PROCR: variants seen among roughly 807,000 people sequenced by gnomAD.
The protein encoded by PROCR is protein C receptor.
A neutral mutation model predicts 24.2 loss-of-function variants in PROCR; 22 were observed. That is an observed-to-expected ratio of 0.91 (90% confidence interval 0.65 to 1.30). The LOEUF (loss-of-function observed/expected upper bound fraction) is 1.30, where lower values mean the gene tolerates loss of function less well. Among genes scored for constraint, PROCR ranks in the 50% most tolerant of loss-of-function variants. The pLI is 0.00. For missense variants in PROCR, 288 were observed against 307.7 expected (o/e 0.94, Z 0.48); for synonymous variants, 137 against 139.2 (o/e 0.98, Z 0.11).
In PROCR at chr20:35,174,697, C is replaced by T. The variant is rs772868926; in HGVS notation, c.71-5C>T. 12 of 1,613,744 alleles carry T rather than the reference C, an allele frequency of 7.4e-6. No individual in the cohort carries two copies. In the African/African-American group the frequency reaches 9.4e-5, roughly 13 times the overall value. ...GGCCCAGGCTGAAGCTGACTCTGCC[C>T]GCAGGCCTCCAAAGACTTCATATGC... On this transcript the variant is annotated splice_region_variant and splice_polypyrimidine_tract_variant and intron_variant, in intron 1 of 3. Transcript: ENST00000216968.
intron 1 of PROCR, among the ~76,000 whole-genome samples, chr20:35,173,590 T>A (rs754649299): frequency 2.0e-5 from 3 of 151,944 alleles, no homozygotes; most frequent in Non-Finnish European, 2.9e-5. Flanking sequence ...CCACCACGCC[T>A]GGCTAATATT....
At chr20:35,196,247 C>T (rs935342500) in intron 1 of PROCR, among the ~76,000 whole-genome samples, 2 of 148,918 alleles carry the variant, frequency 1.3e-5, no homozygotes, top group African/African-American at 4.9e-5. Flanking sequence ...ATATCAAAAG[C>T]TCTAATATTG....
Position 35,172,078 on chromosome 20 carries a change from CT to C in PROCR, c.-73del. On this transcript the variant is annotated 5_prime_UTR_variant, in exon 1 of 4. Coordinates refer to ENST00000216968, the MANE Select transcript of PROCR (RefSeq NM_006404.5). ...CCCCTCCCAGACGGTCCTCACTTCT[CT>C]TTTCCCTAGACTGCAGCCAGCGGAG... is the stretch of plus-strand genomic sequence containing the variant. The C allele has an allele frequency of 6.9e-7, 1 of 1,438,910 alleles. No homozygotes were observed. Among genetic ancestry groups the C allele is most frequent in the Non-Finnish European group, 9.8e-7 (1 of 1,021,520 alleles). The allele number at this position is 1,438,910 out of a possible 1,614,324, so 89.1% of individuals were successfully genotyped here. A position where few individuals can be genotyped will look rare whatever the true frequency, so the allele number is the denominator to read the frequency against.
downstream of PROCR, among the ~76,000 whole-genome samples, chr20:35,178,538 C>T (rs113342347): frequency 0.041 from 686 of 16,890 alleles, 79 homozygotes; most frequent in Non-Finnish European, 0.048. Flanking sequence ...TTTTTTGAGA[C>T]GAAGTCTCGC....
chr20:35,212,585 C>T (rs1226722374), intron 1 of PROCR, among the ~76,000 whole-genome samples: 1 of 152,198 alleles, frequency 6.6e-6, no homozygotes, highest in Non-Finnish European at 1.5e-5. Context: ...AACAGTAATA[C>T]ACAGCCACAC....
Position 35,176,707 on chromosome 20 carries a change from C to T in PROCR, c.611C>T (p.Thr204Ile), listed in dbSNP as rs762831201. Reference protein sequence around the residue: ...ISAENTKGSQTSRSYTSLVLG... With the variant: ...ISAENTKGSQISRSYTSLVLG... The stretch of plus-strand genomic sequence containing the variant: ...TTTGCATGTTCTGCAGGGAGCCAAA[C>T]AAGCCGCTCCTACACTTCGCTGGTC... The change falls in exon 4 of 4, where the codon ACA becomes ATA. Residue 204 changes from threonine (T) to isoleucine (I), a missense_variant. Thr to Ile is a moderately conservative substitution (Grantham distance 89). Transcript: ENST00000216968. The T allele has an allele frequency of 1.6e-5, 25 of 1,604,268 alleles. No homozygotes were observed. The highest frequency in any genetic ancestry group is 1.7e-6 in the Non-Finnish European group (2 of 1,176,146).
chr20:35,182,578 C>T (rs1277406325), intron 1 of PROCR, among the ~76,000 whole-genome samples: 1 of 152,126 alleles, frequency 6.6e-6, no homozygotes, highest in Non-Finnish European at 1.5e-5. Flanking sequence ...GGATATGATC[C>T]TTCTCAAGGA....
chr20:35,192,378 T>G (rs2086180580), intron 1 of PROCR, among the ~76,000 whole-genome samples: 1 of 152,140 alleles, frequency 6.6e-6, no homozygotes, highest in Non-Finnish European at 1.5e-5. Flanking sequence ...GCTGGCCAAG[T>G]TAGGTCAGAG....
At position 35,172,336 on chromosome 20, in the gene PROCR, T is replaced by C. The variant is rs1600731695; in HGVS notation, c.70+112T>C. ...ATCTCACAGCATCTGTGTCTGCAGCTGGCTAGATCTCTCTACAGGGCAGGC... is the reference window on the plus strand; with the variant it reads ...ATCTCACAGCATCTGTGTCTGCAGCCGGCTAGATCTCTCTACAGGGCAGGC... On this transcript the variant is annotated intron_variant, in intron 1 of 3. Coordinates refer to ENST00000216968, the MANE Select transcript of PROCR (RefSeq NM_006404.5). 4 of 1,328,764 alleles carry C rather than the reference T, an allele frequency of 3.0e-6. No individual in the cohort carries two copies. The East Asian group carries it at 9.3e-5, about 31-fold the overall frequency. The allele number at this position is 1,328,764 out of a possible 1,614,324, so 82.3% of individuals were successfully genotyped here. A position where few individuals can be genotyped will look rare whatever the true frequency, so the allele number is the denominator to read the frequency against.
chr20:35,205,093 T>C (rs1173924217), intron 1 of PROCR, among the ~76,000 whole-genome samples: 2 of 150,518 alleles, frequency 1.3e-5, no homozygotes, highest in Non-Finnish European at 3.0e-5. Flanking sequence ...GCCAACGTGG[T>C]GAAACCCCGT....
At chr20:35,189,474 C>A (rs1255124900) in intron 1 of PROCR, among the ~76,000 whole-genome samples, 1 of 152,166 alleles carries the variant, frequency 6.6e-6, no homozygotes, top group Non-Finnish European at 1.5e-5. Flanking sequence ...GGACATGGAA[C>A]TTCATTAATA....
Position 35,172,241 on chromosome 20 carries a change from TCTC to T in PROCR, c.70+20_70+22del, listed in dbSNP as rs564452522. 127 of 1,613,350 alleles carry T rather than the reference TCTC, an allele frequency of 7.9e-5. No homozygotes were observed. The highest frequency in any genetic ancestry group is 2.8e-4 in the Admixed American group (17 of 60,008). ...CCTCAGATGGTGAGTCGGGGGCACA[TCTC>T]CTGCCTCAGGATGGTTCTGGAGAAT... On this transcript the variant is annotated intron_variant, in intron 1 of 3. Coordinates refer to ENST00000216968, the MANE Select transcript of PROCR (RefSeq NM_006404.5).
chr20:35,172,085 C>G lies in PROCR; in HGVS notation c.-70C>G. On this transcript the variant is annotated 5_prime_UTR_variant, in exon 1 of 4. Transcript: ENST00000216968. ...CAGACGGTCCTCACTTCTCTTTTCCCTAGACTGCAGCCAGCGGAGCCCGCA... is the reference window on the plus strand; with the variant it reads ...CAGACGGTCCTCACTTCTCTTTTCCGTAGACTGCAGCCAGCGGAGCCCGCA... 4 of 1,483,138 alleles carry G rather than the reference C, an allele frequency of 2.7e-6. No homozygotes were observed. In the Admixed American group the frequency reaches 6.7e-5, roughly 25 times the overall value. 91.9% of individuals were successfully genotyped at this position (1,483,138 alleles called of 1,614,324 possible).
chr20:35,210,639 C>A (rs765313820), intron 1 of PROCR, among the ~76,000 whole-genome samples: 1 of 151,594 alleles, frequency 6.6e-6, no homozygotes, highest in Non-Finnish European at 1.5e-5. Context: ...CAGTTCTGAA[C>A]TTTTTTTTAA....
At chr20:35,191,306 T>G (rs1360689712) in intron 1 of PROCR, among the ~76,000 whole-genome samples, 1 of 152,132 alleles carries the variant, frequency 6.6e-6, no homozygotes, top group Non-Finnish European at 1.5e-5. Flanking sequence ...TTGAGTCGGG[T>G]CACTAGAATT....
At chr20:35,207,388 T>TTGTGTG (rs141269356) in intron 1 of PROCR, among the ~76,000 whole-genome samples, 3 of 141,064 alleles carry the variant, frequency 2.1e-5, no homozygotes, top group African/African-American at 7.8e-5. Context: ...ATGTGTATGT[T>TTGTGTG]TGTGTATATA....
At chr20:35,196,286 G>A (rs868476753) in intron 1 of PROCR, among the ~76,000 whole-genome samples, 1 of 150,934 alleles carries the variant, frequency 6.6e-6, no homozygotes, top group African/African-American at 2.4e-5. Context: ...AAATAGAGGA[G>A]AAAGAGACTG....
upstream of PROCR, among the ~76,000 whole-genome samples, chr20:35,171,211 C>A (rs1326680816): frequency 6.6e-6 from 1 of 152,272 alleles, no homozygotes; most frequent in South Asian, 2.1e-4. Flanking sequence ...TTTCTACTTG[C>A]TTCCTAGAGT....
chr20:35,206,979 A>T (rs1308496744), intron 1 of PROCR, among the ~76,000 whole-genome samples: 1 of 152,222 alleles, frequency 6.6e-6, no homozygotes. Flanking sequence ...ACTGTGGTAC[A>T]TCCATACAAT....
Sources: gnomAD v4.1 joint callset for allele counts (sites outside exome capture counted in the v4.1 genomes callset) on GRCh38, gnomAD v4.1.1 for gene constraint, MANE v1.5 for transcripts, NCBI Gene and HGNC (gene_info 2026-07-23, HGNC 2026-07-21) for gene names.